The following CNGA1 variants were observed in gnomAD, a reference collection of about 807,000 sequenced individuals.
CNGA1 encodes cyclic nucleotide-gated channel alpha-1.
Under a neutral mutation model 69.7 loss-of-function variants are expected in CNGA1, and 53 were observed. The ratio of observed to expected loss-of-function variants is 0.76; its 90% CI spans 0.61 to 0.96. CNGA1 has a LOEUF of 0.96. Among genes scored for constraint, CNGA1 ranks in the 40% least tolerant of loss-of-function variants. CNGA1 has a pLI of 0.00. For missense variants in CNGA1, 739 were observed against 811.2 expected, an observed-to-expected ratio of 0.91 and a Z score of 1.08; for synonymous variants, 249 against 283.5, an observed-to-expected ratio of 0.88 and a Z score of 1.22.
At chr4:47,957,397 T>A (rs1046752745) in intron 3 of CNGA1, among the ~76,000 whole-genome samples, 3 of 152,068 alleles carry the variant, frequency 2.0e-5, no homozygotes, top group Non-Finnish European at 2.9e-5. Context: ...GTAGGATTGC[T>A]TAAGGCCAGG....
chr4:48,002,807 G>A (rs1310153436), intron 2 of CNGA1, among the ~76,000 whole-genome samples: 7 of 151,956 alleles, frequency 4.6e-5, no homozygotes, highest in East Asian at 1.9e-4. Flanking sequence ...TATAACCTCC[G>A]GAATAATGGC....
rs1310945611 is a variant in CNGA1 at position 47,942,114 on chromosome 4, C to T, written c.472G>A (p.Gly158Arg). Residue 158 changes from glycine (G) to arginine (R), a missense_variant, in exon 9 of 11, where the codon GGA becomes AGA. Gly to Arg is a moderately radical substitution (Grantham distance 125). Transcript: ENST00000514170. The part of the protein sequence containing the change: ...KKEVVVIDPS[G>R]NTYYNWLFCI... ...AACAGCCAGTTGTAATATGTGTTTCCCGAGGGATCAATAACCACAACTTCT... is the reference window on the plus strand; with the variant it reads ...AACAGCCAGTTGTAATATGTGTTTCTCGAGGGATCAATAACCACAACTTCT... 5 of 1,613,732 alleles carry T rather than the reference C, an allele frequency of 3.1e-6. No individual in the cohort carries two copies. The Admixed American group carries it at 8.3e-5, about 27-fold the overall frequency.
chr4:47,991,204 T>A (rs1376715143), intron 2 of CNGA1, among the ~76,000 whole-genome samples: 1 of 152,202 alleles, frequency 6.6e-6, no homozygotes, highest in Non-Finnish European at 1.5e-5. Context: ...AAATGGCAGT[T>A]CTACTTTTAT....
chr4:48,004,182 G>T (rs62300277), intron 2 of CNGA1, among the ~76,000 whole-genome samples: 2,030 of 131,066 alleles, frequency 0.015, no homozygotes, highest in Non-Finnish European at 0.02. Flanking sequence ...TCAGCTGCCA[G>T]GCAGGAAAGG....
chr4:47,943,100 A>C, intron 8 of CNGA1, 81 bp downstream of exon 8: 2 of 991,380 alleles, frequency 2.0e-6, no homozygotes, highest in Non-Finnish European at 3.2e-6. Context: ...GTTTCTTTCT[A>C]CTTTGTATTA....
At chr4:48,011,338 G>C (rs1577613821) in intron 1 of CNGA1, among the ~76,000 whole-genome samples, 2 of 144,870 alleles carry the variant, frequency 1.4e-5, no homozygotes, top group East Asian at 3.9e-4. Context: ...AAGGTCCTGG[G>C]AGAGAAAAAA....
chr4:47,999,062 T>C (rs1013759474), intron 2 of CNGA1, among the ~76,000 whole-genome samples: 1 of 152,206 alleles, frequency 6.6e-6, no homozygotes, highest in African/African-American at 2.4e-5. Flanking sequence ...ACATAGGCAT[T>C]GTATCATCTC....
At chr4:47,974,878 C>A (rs996019333) in intron 3 of CNGA1, among the ~76,000 whole-genome samples, 1 of 151,882 alleles carries the variant, frequency 6.6e-6, no homozygotes, top group Non-Finnish European at 1.5e-5. Context: ...CCTGTGAAAC[C>A]CTGACAAAAA....
chr4:47,979,319 TCAA>T (rs1560302877), intron 3 of CNGA1, among the ~76,000 whole-genome samples: 2 of 37,228 alleles, frequency 5.4e-5, no homozygotes, highest in Non-Finnish European at 9.5e-5. Flanking sequence ...ACACTCCATC[TCAA>T]AAAAAAAAAA....
intron 9 of CNGA1, 63 bp from the exon 10 acceptor site, chr4:47,940,932 C>G: frequency 9.3e-7 from 1 of 1,080,106 alleles, no homozygotes; most frequent in Non-Finnish European, 1.4e-6. Flanking sequence ...AGTAAAAGTT[C>G]TCTTTGTATA....
At chr4:47,998,645 G>C (rs1388158890) in intron 2 of CNGA1, among the ~76,000 whole-genome samples, 1 of 152,116 alleles carries the variant, frequency 6.6e-6, no homozygotes, top group Non-Finnish European at 1.5e-5. Context: ...GGGCAAGGTG[G>C]CACATGCCTG....
chr4:48,015,399 C>T (rs958352901), intron 1 of CNGA1, among the ~76,000 whole-genome samples: 20 of 152,176 alleles, frequency 1.3e-4, no homozygotes, highest in Admixed American at 8.5e-4. Context: ...TTCTCTCATC[C>T]GCCTAAGAAC....
intron 1 of CNGA1, among the ~76,000 whole-genome samples, chr4:48,015,898 GC>G (rs889030348): frequency 1.1e-4 from 17 of 152,070 alleles, no homozygotes; most frequent in African/African-American, 4.1e-4. Flanking sequence ...CGCCAGCCCT[GC>G]CCACTCCTTG....
rs1414055685 is a variant in CNGA1 at position 47,936,627 on chromosome 4, G to A, written c.1855C>T (p.Leu619Phe). The change falls in exon 11 of 11, where the codon CTT (leucine) becomes TTT (phenylalanine). Residue 619 changes from leucine to phenylalanine, a missense_variant. Leu to Phe is a conservative substitution (Grantham distance 22). Coordinates refer to ENST00000514170, the MANE Select transcript of CNGA1 (RefSeq NM_001379270.1). ...IANAGSDPKD[L>F]EEKVTRMEGS... Reference sequence around the variant, plus strand: ...TCCATTCGAGTAACCTTCTCTTCAAGATCTTTAGGATCACTGCCAGCATTT... The same window carrying A: ...TCCATTCGAGTAACCTTCTCTTCAAAATCTTTAGGATCACTGCCAGCATTT... 3 of 1,614,136 alleles carry A rather than the reference G, an allele frequency of 1.9e-6. No homozygotes were observed. Among genetic ancestry groups the A allele is most frequent in the Non-Finnish European group, 1.7e-6 (2 of 1,180,016 alleles).
At chr4:47,962,233 A>G (rs1740484123) in intron 3 of CNGA1, among the ~76,000 whole-genome samples, 1 of 151,804 alleles carries the variant, frequency 6.6e-6, no homozygotes, top group African/African-American at 2.4e-5. Flanking sequence ...AATCCCAGCT[A>G]CTCGGGAGGC....
chr4:47,993,966 T>A (rs321624), intron 2 of CNGA1, among the ~76,000 whole-genome samples: 3,259 of 152,280 alleles, frequency 0.021, 64 homozygotes, highest in Middle Eastern at 0.092. Flanking sequence ...GGTTATTTAA[T>A]TTCCATGATT....
chr4:47,982,389 TC>T (rs1741757821), intron 2 of CNGA1, among the ~76,000 whole-genome samples: 2 of 152,192 alleles, frequency 1.3e-5, no homozygotes, highest in Admixed American at 6.5e-5. Context: ...TAGGAGGCTC[TC>T]AAGAGAGGAG....
intron 2 of CNGA1, among the ~76,000 whole-genome samples, chr4:47,991,197 T>C (rs563337372): frequency 6.6e-6 from 1 of 152,352 alleles, no homozygotes; most frequent in East Asian, 1.9e-4. Flanking sequence ...CTGGATCAAA[T>C]GGCAGTTCTA....
intron 2 of CNGA1, among the ~76,000 whole-genome samples, chr4:48,008,055 C>A (rs1429740336): frequency 6.6e-6 from 1 of 152,064 alleles, no homozygotes; most frequent in Non-Finnish European, 1.5e-5. Flanking sequence ...CCCTAAGGAA[C>A]TTTTATTGTT....
Sources: gnomAD v4.1 joint callset for allele counts (sites outside exome capture counted in the v4.1 genomes callset) on GRCh38, gnomAD v4.1.1 for gene constraint, MANE v1.5 for transcripts, NCBI Gene and HGNC (gene_info 2026-07-23, HGNC 2026-07-21) for gene names.